The following MPI variants were observed in gnomAD, a reference collection of about 807,000 sequenced individuals.
The protein encoded by MPI is mannose phosphate isomerase.
MPI carries 33 observed loss-of-function variants against 40.1 expected under a neutral mutation model. The observed-to-expected ratio is 0.82, with a 90% CI of 0.62 to 1.10. MPI has a LOEUF of 1.10. MPI is among the 50% of genes least tolerant of loss of function. The pLI is 0.00. For missense variants in MPI, 514 were observed against 524.1 expected (o/e 0.98, Z 0.19); for synonymous variants, 187 against 207.4 (o/e 0.90, Z 0.85).
intron 5 of MPI, among the ~76,000 whole-genome samples, chr15:74,894,553 G>C (rs1282010035): frequency 6.6e-6 from 1 of 151,720 alleles, no homozygotes; most frequent in African/African-American, 2.4e-5. Flanking sequence ...AGCCAGGCGA[G>C]GCAGAGGTTG....
chr15:74,890,914 G>GT (rs1241719682), intron 2 of MPI: 3 of 637,196 alleles, frequency 4.7e-6, no homozygotes, highest in East Asian at 6.3e-5. Context: ...TGACAATTAA[G>GT]TTTTTTTACT....
At position 74,902,057 on chromosome 15, in the gene MPI, G is replaced by A. The variant is rs1171851971; in HGVS notation, c.*4327G>A. 3 of 398,450 alleles carry A rather than the reference G, an allele frequency of 7.5e-6. No individual in the cohort carries two copies. Among genetic ancestry groups the A allele is most frequent in the African/African-American group, 2.1e-5 (1 of 48,642 alleles). The allele number at this position is 398,450 out of a possible 1,614,324, so 24.7% of individuals were successfully genotyped here. A position where few individuals can be genotyped will look rare whatever the true frequency, so the allele number is the denominator to read the frequency against. On this transcript the variant is annotated 3_prime_UTR_variant, in exon 8 of 8. Transcript: ENST00000352410. ...TATGATCCCTGTCATAGTTAGACAG[G>A]TGCAACCTGAAGAGGGACAAAAGGA...
In MPI at chr15:74,899,765, G is replaced by C. The variant is rs1298944109; in HGVS notation, c.*2035G>C. ...CAGCTCCTGAGTAGCTGGGACTACA[G>C]GCGCCTGCCACCACACCCAGCTAAG... On this transcript the variant is annotated 3_prime_UTR_variant, in exon 8 of 8. Coordinates refer to ENST00000352410, the MANE Select transcript of MPI (RefSeq NM_002435.3). The C allele has an allele frequency of 6.6e-6, 1 of 152,246 alleles. No homozygotes were observed. Among genetic ancestry groups the C allele is most frequent in the African/African-American group, 2.4e-5 (1 of 41,448 alleles). The allele number at this position is 152,246 out of a possible 1,614,324, so 9.4% of individuals were successfully genotyped here.
At position 74,890,098 on chromosome 15, in the gene MPI, T is replaced by C. The variant is rs763004015; in HGVS notation, c.16+9T>C. On this transcript the variant is annotated intron_variant, in intron 1 of 7. Transcript: ENST00000352410. ...CATGGCCGCTCCGCGAGGTGAGCCA[T>C]TGGCTGGGGTGTCGGCGAGTGTGTT... 7.5e-6 allele frequency: 12 copies of C among 1,607,982 alleles called. 1 individual carries two copies. In the South Asian group the frequency reaches 9.9e-5, roughly 13 times the overall value.
chr15:74,893,030 C>A (rs1466523880), intron 4 of MPI, 108 bp from the exon 5 acceptor site: 9 of 1,464,490 alleles, frequency 6.1e-6, no homozygotes, highest in Non-Finnish European at 8.5e-6. Context: ...CTTAGCATTG[C>A]CGGCTCTTTG....
chr15:74,895,796 A>G (rs1438498747), intron 5 of MPI: 1 of 238,846 alleles, frequency 4.2e-6, no homozygotes, highest in African/African-American at 2.2e-5. Context: ...GCTGCTACAC[A>G]TCCATCAGTA....
Position 74,895,806 on chromosome 15 carries a change from A to G in MPI, c.671-346A>G, listed in dbSNP as rs189902464. 1.3e-3 allele frequency: 454 copies of G among 337,736 alleles called. 3 individuals carry two copies. The highest frequency in any genetic ancestry group is 7.1e-3 in the East Asian group (100 of 14,024). 20.9% of individuals were successfully genotyped at this position (337,736 alleles called of 1,614,324 possible). On this transcript the variant is annotated intron_variant, in intron 5 of 7. Transcript: ENST00000352410. ...GGGAAGCTGCTACACATCCATCAGTACACAGGACAGCCCCCACAATAAAGA... is the reference window on the plus strand; with the variant it reads ...GGGAAGCTGCTACACATCCATCAGTGCACAGGACAGCCCCCACAATAAAGA...
chr15:74,896,906 TTTACC>T, intron 6 of MPI, 100 bp from the exon 7 acceptor site: 1 of 1,057,836 alleles, frequency 9.5e-7, no homozygotes, highest in Non-Finnish European at 1.5e-6. Flanking sequence ...CATGGAAATT[TTTACC>T]TAACTTGGCA....
rs1424953382 is a variant in MPI at position 74,901,124 on chromosome 15, C to T, written c.*3394C>T. 2 of 152,138 alleles carry T rather than the reference C, an allele frequency of 1.3e-5. No individual in the cohort carries two copies. Among genetic ancestry groups the T allele is most frequent in the Non-Finnish European group, 1.5e-5 (1 of 68,064 alleles). The allele number at this position is 152,138 out of a possible 1,614,324, so 9.4% of individuals were successfully genotyped here. ...CCATGTAGAACCTATACCCCAATCC[C>T]GACTATTGGGCTGGGAACCCTGTCT... is the stretch of plus-strand genomic sequence containing the variant. On this transcript the variant is annotated 3_prime_UTR_variant, in exon 8 of 8. Coordinates refer to ENST00000352410, the MANE Select transcript of MPI (RefSeq NM_002435.3).
At chr15:74,896,797 C>A (rs2064825248) in intron 6 of MPI, 1 of 651,770 alleles carries the variant, frequency 1.5e-6, no homozygotes, top group African/African-American at 1.8e-5. Flanking sequence ...CTCCCCAACC[C>A]CCAGGGGTTA....
chr15:74,893,046 G>GACCAA lies in MPI; in HGVS notation c.488-92_488-91insACCAA. The GACCAA allele has an allele frequency of 3.9e-6, 6 of 1,537,814 alleles. No individual in the cohort carries two copies. In the Admixed American group the frequency reaches 1.0e-4, roughly 26 times the overall value. ...TTAGCATTGCCGGCTCTTTGGTTAG[G>GACCAA]GCTGGGATGGAAAGGTGTCCTCCAA... On this transcript the variant is annotated intron_variant, in intron 4 of 7. Transcript: ENST00000352410.
chr15:74,890,204 G>A, intron 1 of MPI, 115 bp downstream of exon 1: 2 of 1,468,156 alleles, frequency 1.4e-6, no homozygotes, highest in Non-Finnish European at 1.9e-6. Flanking sequence ...AAAGATGGGT[G>A]GGTGCCGGGC....
chr15:74,891,743 T>G lies in MPI; in HGVS notation c.345+164T>G, dbSNP rs11633472. On this transcript the variant is annotated intron_variant, in intron 3 of 7. Coordinates refer to ENST00000352410, the MANE Select transcript of MPI (RefSeq NM_002435.3). ...TTAGCTCTGCAAAGCCAGATGGTAG[T>G]GACACATGCAGCAACTAAGTCTAAG... 0.35 allele frequency among the ~76,000 whole-genome samples: 53,581 copies of G among 152,208 alleles called. 12,213 individuals carry two copies. Among genetic ancestry groups the G allele is most frequent in the Non-Finnish European group, 0.52 (35,288 of 67,988 alleles).
At chr15:74,895,823 C>T (rs2141205908) in intron 5 of MPI, 1 of 367,040 alleles carries the variant, frequency 2.7e-6, no homozygotes, top group East Asian at 6.4e-5. Context: ...ACAGCCCCCA[C>T]AATAAAGAAT....
intron 5 of MPI, among the ~76,000 whole-genome samples, chr15:74,894,044 G>C (rs1423777888): frequency 2.2e-4 from 1 of 4,630 alleles, no homozygotes; most frequent in South Asian, 4.4e-3. Flanking sequence ...TGTTCAGTGT[G>C]TGTGTGTGTG....
rs985388235 is a variant in MPI, at chr15:74,895,812, G to A, written c.671-340G>A. The A allele has an allele frequency of 1.0e-4, 37 of 355,162 alleles. No individual in the cohort carries two copies. In the Admixed American group the frequency reaches 1.2e-3, roughly 12 times the overall value. The allele number at this position is 355,162 out of a possible 1,614,324, so 22.0% of individuals were successfully genotyped here. On this transcript the variant is annotated intron_variant, in intron 5 of 7. Transcript: ENST00000352410. ...CTGCTACACATCCATCAGTACACAG[G>A]ACAGCCCCCACAATAAAGAATTACC...
chr15:74,894,326 C>T (rs112095418), intron 5 of MPI, among the ~76,000 whole-genome samples: 13,709 of 151,680 alleles, frequency 0.09, 830 homozygotes, highest in Non-Finnish European at 0.13. Context: ...TCAGGCAATT[C>T]ACCTGCCTCA....
At position 74,896,996 on chromosome 15, in the gene MPI, C is replaced by T. The variant is rs755354156; in HGVS notation, c.845-15C>T. The stretch of plus-strand genomic sequence containing the variant: ...CATACTTCATCAGCTTAGCACATGA[C>T]GACTGTCTCTCCAGACTGCGTGGAG... On this transcript the variant is annotated splice_polypyrimidine_tract_variant and intron_variant, in intron 6 of 7. Transcript: ENST00000352410. The T allele has an allele frequency of 8.7e-6, 14 of 1,613,514 alleles. No homozygotes were observed. The highest frequency in any genetic ancestry group is 1.1e-5 in the Non-Finnish European group (13 of 1,179,542).
chr15:74,897,012 C>A lies in MPI; in HGVS notation c.846C>A (p.Asp282Glu), dbSNP rs1168083953. The A allele has an allele frequency of 6.2e-7, 1 of 1,614,020 alleles. No homozygotes were observed. Among genetic ancestry groups the A allele is most frequent in the South Asian group, 1.1e-5 (1 of 91,094 alleles). Residue 282 changes from aspartate to glutamate, a missense_variant and splice_region_variant, in exon 7 of 8, where the codon GAC becomes GAA. Asp to Glu is a conservative substitution (Grantham distance 45). Transcript: ENST00000352410. ...ANVPHAYLKG[D>E]CVECMACSDN... is the part of the protein sequence containing the mutation. ...AGCACATGACGACTGTCTCTCCAGA[C>A]TGCGTGGAGTGCATGGCGTGTTCAG...
Sources: allele counts gnomAD v4.1 joint callset (sites outside exome capture counted in the v4.1 genomes callset), GRCh38; gene constraint gnomAD v4.1.1; transcripts MANE v1.5; gene names NCBI Gene and HGNC (gene_info 2026-07-23, HGNC 2026-07-21).